ANO1: variants seen among roughly 807,000 people sequenced by gnomAD.
ANO1 encodes the protein anoctamin 1.
In ANO1, 59 loss-of-function variants were observed where a neutral mutation model predicts 124.0. That is an observed-to-expected ratio of 0.48 (90% CI 0.39 to 0.59). The LOEUF (loss-of-function observed/expected upper bound fraction) is 0.59. ANO1 is among the 20% of genes least tolerant of loss of function. ANO1 has a pLI of 0.00. For synonymous variants in ANO1, 529 were observed against 532.0 expected (o/e 0.99, Z 0.08); for missense variants, 1,059 against 1,328.0 (o/e 0.80, Z 3.15).
the ANO1 span, among the ~76,000 whole-genome samples, chr11:69,971,675 G>A: frequency 1.6e-4 from 25 of 151,956 alleles, no homozygotes; most frequent in Admixed American, 1.3e-4. Context: ...TGGGGCTGTC[G>A]GAGGAGGCCA....
intron 1 of ANO1, among the ~76,000 whole-genome samples, chr11:70,029,830 T>C (rs1169778713): frequency 6.6e-6 from 1 of 152,186 alleles, no homozygotes; most frequent in Non-Finnish European, 1.5e-5. Flanking sequence ...TTCCTCAGCT[T>C]GAGCTGCATC....
chr11:70,039,187 T>A (rs1235329097), intron 1 of ANO1, among the ~76,000 whole-genome samples: 1 of 152,018 alleles, frequency 6.6e-6, no homozygotes, highest in East Asian at 1.9e-4. Flanking sequence ...ACAAAGGAGA[T>A]CAGAGTGATC....
intron 3 of ANO1, 124 bp from the exon 4 acceptor site, chr11:70,103,875 T>C: frequency 9.4e-7 from 1 of 1,059,754 alleles, no homozygotes; most frequent in Non-Finnish European, 1.3e-6. Flanking sequence ...CCCACCCAGG[T>C]GCTCTGCTCT....
Position 70,015,472 on chromosome 11 carries a change from C to T in ANO1, c.58+29306C>T, listed in dbSNP as rs541308834. ...CACCCGGCGTGCTCACTCACTGACC[C>T]GGAGGCAGCCCAGCCCTGGGCGGGT... On this transcript the variant is annotated intron_variant, in intron 1 of 27. Transcript: ENST00000531349. 9.2e-5 allele frequency among the ~76,000 whole-genome samples: 14 copies of T among 152,222 alleles called. No homozygotes were observed. The South Asian group carries it at 2.3e-3, about 25-fold the overall frequency.
rs2049221456 is a variant in ANO1 at position 70,188,253 on chromosome 11, G to C, written c.*249G>C. 1 of 553,846 alleles carries C rather than the reference G, an allele frequency of 1.8e-6. No homozygotes were observed. Among genetic ancestry groups the C allele is most frequent in the South Asian group, 2.4e-5 (1 of 41,572 alleles). The allele number at this position is 553,846 out of a possible 1,614,324, so 34.3% of individuals were successfully genotyped here. ...TTCAAGATGAATCAAAATGATGGCTGGTAATACGGCAATAAGGTAGCAAAG... is the reference window on the plus strand; with the variant it reads ...TTCAAGATGAATCAAAATGATGGCTCGTAATACGGCAATAAGGTAGCAAAG... On this transcript the variant is annotated 3_prime_UTR_variant, in exon 26 of 26. Coordinates refer to ENST00000355303, the MANE Select transcript of ANO1 (RefSeq NM_018043.7).
At chr11:70,021,353 C>T (rs782816641) in intron 1 of ANO1, among the ~76,000 whole-genome samples, 5 of 152,118 alleles carry the variant, frequency 3.3e-5, no homozygotes, top group Non-Finnish European at 5.9e-5. Context: ...TGCGAGGGAG[C>T]GTGGTGGTTG....
intron 7 of ANO1, 32 bp downstream of exon 7, chr11:70,111,794 C>A (rs145221175): frequency 1.2e-6 from 2 of 1,610,478 alleles, no homozygotes; most frequent in Non-Finnish European, 1.7e-6. Context: ...TTTATCTCTG[C>A]GTCATTTGAC....
intron 6 of ANO1, among the ~76,000 whole-genome samples, chr11:70,108,619 T>C (rs977483830): frequency 5.9e-5 from 9 of 152,182 alleles, no homozygotes; most frequent in Non-Finnish European, 1.0e-4. Context: ...TCCTTCACTT[T>C]GGCCTGAGGG....
Position 70,170,952 on chromosome 11 carries a change from C to T in ANO1, c.2263C>T (p.Leu755=). ...CCCCCTGGCCCCACTGTTTGCGCTG[C>T]TGAACAACATCATCGAGATCCGCCT... ...SFPLAPLFAL[L]NNIIEIRLDA... is the part of the protein sequence containing the mutation. Residue 755 remains leucine, a synonymous_variant, in exon 22 of 26, where the codon CTG becomes TTG. Coordinates refer to ENST00000355303, the MANE Select transcript of ANO1 (RefSeq NM_018043.7). The T allele has an allele frequency of 1.2e-6, 2 of 1,613,552 alleles. No individual in the cohort carries two copies. The highest frequency in any genetic ancestry group is 1.7e-6 in the Non-Finnish European group (2 of 1,179,738).
chr11:70,104,160 G>A lies in ANO1; in HGVS notation c.692+10G>A, dbSNP rs776474656. The A allele has an allele frequency of 7.5e-6, 12 of 1,609,874 alleles. No homozygotes were observed. Among genetic ancestry groups the A allele is most frequent in the Non-Finnish European group, 1.0e-5 (12 of 1,177,666 alleles). On this transcript the variant is annotated intron_variant, in intron 4 of 25. Transcript: ENST00000355303. ...GGGAGAAGCAGCATCTGTAAGTGGG[G>A]ACCCCCAGCCTGCTCCCCAAAGGGT...
the ANO1 span, among the ~76,000 whole-genome samples, chr11:69,966,597 A>T: frequency 3.0e-4 from 46 of 152,188 alleles, no homozygotes; most frequent in African/African-American, 7.2e-4. Context: ...GGAAAGAGCG[A>T]TGGAAGAGCT....
At chr11:70,052,147 C>T (rs1256113478) in intron 1 of ANO1, among the ~76,000 whole-genome samples, 1 of 151,936 alleles carries the variant, frequency 6.6e-6, no homozygotes, top group Non-Finnish European at 1.5e-5. Context: ...GATTTCACAC[C>T]ACTTACTGAT....
intron 1 of ANO1, chr11:70,085,772 C>T: frequency 7.5e-7 from 1 of 1,331,374 alleles, no homozygotes; most frequent in Non-Finnish European, 9.9e-7. Context: ...CTCCCCCTCT[C>T]CCCCACTGCA....
At chr11:70,135,194 G>A (rs2046911771) in intron 11 of ANO1, among the ~76,000 whole-genome samples, 1 of 152,042 alleles carries the variant, frequency 6.6e-6, no homozygotes, top group Non-Finnish European at 1.5e-5. Context: ...TCATCCGTCT[G>A]TTTCCTCTTT....
chr11:70,157,549 G>A (rs1304902729), intron 16 of ANO1, among the ~76,000 whole-genome samples: 1 of 152,058 alleles, frequency 6.6e-6, no homozygotes, highest in Non-Finnish European at 1.5e-5. Flanking sequence ...CCCAGTGGGG[G>A]CTTCACACGC....
At chr11:70,085,555 G>A in intron 1 of ANO1, 1 of 1,536,084 alleles carries the variant, frequency 6.5e-7, no homozygotes, top group East Asian at 2.4e-5. Flanking sequence ...GAGCAATGCT[G>A]TTTCCAGGAG....
intron 10 of ANO1, among the ~76,000 whole-genome samples, chr11:70,130,083 C>A (rs1364089598): frequency 6.6e-6 from 1 of 152,162 alleles, no homozygotes; most frequent in African/African-American, 2.4e-5. Flanking sequence ...CGCATAAGTT[C>A]AGCATATCCA....
At chr11:70,033,193 C>A (rs1310884061) in intron 1 of ANO1, among the ~76,000 whole-genome samples, 1 of 152,104 alleles carries the variant, frequency 6.6e-6, no homozygotes, top group Admixed American at 6.5e-5. Flanking sequence ...CTCATCAGAC[C>A]CTGCCAAGGG....
At chr11:70,107,475 T>G (rs1590749654) in intron 5 of ANO1, among the ~76,000 whole-genome samples, 2 of 58,178 alleles carry the variant, frequency 3.4e-5, no homozygotes, top group Non-Finnish European at 3.6e-5. Context: ...TTGGGACAGG[T>G]GGGTCCAGTG....
Sources: allele counts gnomAD v4.1 joint callset (sites outside exome capture counted in the v4.1 genomes callset), GRCh38; gene constraint gnomAD v4.1.1; transcripts MANE v1.5; gene names NCBI Gene and HGNC (gene_info 2026-07-23, HGNC 2026-07-21).